The following MIER2 variants were observed in gnomAD, a reference collection of about 807,000 sequenced individuals.
MIER2 encodes the protein MIER family member 2, also known as mesoderm induction early response protein 2.
A neutral mutation model predicts 67.6 loss-of-function variants in MIER2; 30 were observed. That is an observed-to-expected ratio of 0.44 (90% confidence interval 0.33 to 0.60). MIER2 has a LOEUF of 0.60. Ranked by LOEUF, MIER2 falls within the 20% of genes least tolerant of loss-of-function variation. MIER2 has a pLI of 0.02. For missense variants in MIER2, 702 were observed against 745.1 expected (o/e 0.94, Z 0.67); for synonymous variants, 372 against 312.6 (o/e 1.19, Z -2.00).
chr19:336,396 G>C (rs531971799), intron 1 of MIER2, among the ~76,000 whole-genome samples: 2 of 152,252 alleles, frequency 1.3e-5, no homozygotes, highest in Non-Finnish European at 2.9e-5. Flanking sequence ...GGGTGGAGGC[G>C]TTCTCGCCCA....
intron 3 of MIER2, among the ~76,000 whole-genome samples, chr19:331,148 T>A (rs1210165776): frequency 2.0e-5 from 3 of 151,738 alleles, no homozygotes; most frequent in Non-Finnish European, 4.4e-5. Flanking sequence ...CAACTTGAGG[T>A]CAGGAGTTCG....
chr19:324,981 G>A (rs1971675767), intron 7 of MIER2, among the ~76,000 whole-genome samples: 1 of 152,222 alleles, frequency 6.6e-6, no homozygotes, highest in African/African-American at 2.4e-5. Context: ...GAGGGTCCCT[G>A]TCTCCCTGGA....
chr19:327,920 G>C lies in MIER2; in HGVS notation c.313C>G (p.Arg105Gly). The C allele has an allele frequency of 1.9e-6, 3 of 1,613,030 alleles. No homozygotes were observed. The highest frequency in any genetic ancestry group is 2.5e-6 in the Non-Finnish European group (3 of 1,179,530). Reference sequence around the variant, plus strand: ...GCCACGTCACCACCCTCACTCTCCCGGTCTGAAATGGGGTCTGACGCCTCG... The same window carrying C: ...GCCACGTCACCACCCTCACTCTCCCCGTCTGAAATGGGGTCTGACGCCTCG... ...GYEASDPISD[R>G]ESEGGDVAPN... The change falls in exon 4 of 14, where the codon CGG (arginine) becomes GGG (glycine). Residue 105 changes from arginine (R) to glycine (G), a missense_variant. This residue lies in a region of MIER2 where 320 missense variants were observed against 292.6 expected (regional missense o/e 1.09). Coordinates refer to ENST00000264819, the MANE Select transcript of MIER2 (RefSeq NM_017550.3).
chr19:328,079 A>G, intron 3 of MIER2, 90 bp from the exon 4 acceptor site: 2 of 1,550,056 alleles, frequency 1.3e-6, no homozygotes, highest in South Asian at 2.4e-5. Flanking sequence ...CACTGGCCAC[A>G]ACCAGGGCCA....
chr19:314,977 G>A (rs115573123), intron 7 of MIER2, among the ~76,000 whole-genome samples: 145 of 152,022 alleles, frequency 9.5e-4, no homozygotes, highest in Non-Finnish European at 1.6e-3. Flanking sequence ...GGCTAAGGTG[G>A]GACTGAGCCC....
intron 1 of MIER2, among the ~76,000 whole-genome samples, chr19:340,257 A>G (rs1972442307): frequency 6.6e-6 from 1 of 152,198 alleles, no homozygotes; most frequent in Non-Finnish European, 1.5e-5. Context: ...TGGGGAACAC[A>G]ACGGCTAGTA....
intron 5 of MIER2, 30 bp downstream of exon 5, chr19:327,103 G>C: frequency 6.4e-7 from 1 of 1,561,860 alleles, no homozygotes; most frequent in Non-Finnish European, 8.6e-7. Context: ...GGGCCTGGCT[G>C]CGGTGGAGTA....
chr19:321,935 C>T (rs998416326), intron 7 of MIER2, among the ~76,000 whole-genome samples: 2 of 151,872 alleles, frequency 1.3e-5, no homozygotes, highest in Non-Finnish European at 2.9e-5. Context: ...GACAGAGTCT[C>T]GCTCTGTCAC....
At chr19:343,794 CCGCACCT>C (rs1972612531) in intron 1 of MIER2, 1 of 975,192 alleles carries the variant, frequency 1.0e-6, no homozygotes, top group Admixed American at 6.2e-5. Context: ...CTCGCAGCCG[CCGCACCT>C]TCACCTACAT....
chr19:307,431 T>C lies in MIER2; in HGVS notation c.1304A>G (p.Asp435Gly). ...GGACAGGGGTACAGCGGGGGACTCATCCAGCTGCTGGAAGGAACACGGCCC... is the reference window on the plus strand; with the variant it reads ...GGACAGGGGTACAGCGGGGGACTCACCCAGCTGCTGGAAGGAACACGGCCC... ...EPGPCSFQQL[D>G]ESPAVPLSHR... is the part of the protein sequence containing the mutation. The change falls in exon 13 of 14, where the codon GAT becomes GGT. Residue 435 changes from aspartate to glycine, a missense_variant. By Grantham distance (94) the Asp-to-Gly change is moderately conservative. Around this residue, in one of 3 missense-constraint regions of MIER2, gnomAD observed 254 missense variants for 262.8 expected, o/e 0.97. Coordinates refer to ENST00000264819, the MANE Select transcript of MIER2 (RefSeq NM_017550.3). The C allele has an allele frequency of 6.3e-7, 1 of 1,595,134 alleles. No homozygotes were observed. Among genetic ancestry groups the C allele is most frequent in the Non-Finnish European group, 8.5e-7 (1 of 1,171,118 alleles).
chr19:311,719 G>A, intron 10 of MIER2, 126 bp downstream of exon 10: 1 of 830,568 alleles, frequency 1.2e-6, no homozygotes, highest in Non-Finnish European at 1.9e-6. Context: ...TGGGCACACG[G>A]TGAGGAGGCG....
In MIER2 at chr19:306,382, C is replaced by T. The variant is rs1004551196; in HGVS notation, c.*308G>A. 1.0e-4 allele frequency: 54 copies of T among 530,258 alleles called. 2 individuals carry two copies. Among genetic ancestry groups the T allele is most frequent in the South Asian group, 9.3e-4 (39 of 42,016 alleles). The allele number at this position is 530,258 out of a possible 1,614,324, so 32.8% of individuals were successfully genotyped here. Reference sequence around the variant, plus strand: ...GGACTAGGTGGCCGGCTCTGCCCTGCGTCCCAACGGCGGGGTCTCTTCTGT... The same window carrying T: ...GGACTAGGTGGCCGGCTCTGCCCTGTGTCCCAACGGCGGGGTCTCTTCTGT... On this transcript the variant is annotated 3_prime_UTR_variant, in exon 14 of 14. Transcript: ENST00000264819.
chr19:326,593 A>T lies in MIER2; in HGVS notation c.499T>A (p.Phe167Ile). Residue 167 changes from phenylalanine (F) to isoleucine (I), a missense_variant, in exon 6 of 14, where the codon TTC becomes ATC. By Grantham distance (21) the Phe-to-Ile change is conservative. Around this residue, in one of 3 missense-constraint regions of MIER2, gnomAD observed 320 missense variants for 292.6 expected, o/e 1.09. Transcript: ENST00000264819. Reference sequence around the variant, plus strand: ...GGCTCTCTGTCTTCATCAGCCAGGAAACGAGCTTTGGGAAAACAGAGGCAG... The same window carrying T: ...GGCTCTCTGTCTTCATCAGCCAGGATACGAGCTTTGGGAAAACAGAGGCAG... ...DLFPNRSGSRFLADEDREPGS... is the reference protein window; with the variant it reads ...DLFPNRSGSRILADEDREPGS... 1 of 1,614,014 alleles carries T rather than the reference A, an allele frequency of 6.2e-7. No homozygotes were observed.
chr19:313,326 T>A lies in MIER2; in HGVS notation c.807+166A>T, dbSNP rs139612107. 3.9e-5 allele frequency among the ~76,000 whole-genome samples: 6 copies of A among 152,250 alleles called. No individual in the cohort carries two copies. The East Asian group carries it at 1.2e-3, about 29-fold the overall frequency. On this transcript the variant is annotated intron_variant, in intron 8 of 13. Transcript: ENST00000264819. ...CTCCTCCCTGATACGTGGTTTTAAT[T>A]GGCCCCCCTTCTGACCTGAGTAGCT...
intron 7 of MIER2, among the ~76,000 whole-genome samples, chr19:317,499 C>T (rs1449448776): frequency 6.7e-6 from 1 of 149,864 alleles, no homozygotes; most frequent in Non-Finnish European, 1.5e-5. Context: ...TGCACTCCAA[C>T]CTGGGTGACA....
intron 7 of MIER2, among the ~76,000 whole-genome samples, chr19:324,024 G>A (rs111966640): frequency 0.097 from 10,604 of 109,750 alleles, 909 homozygotes; most frequent in African/African-American, 0.19. Context: ...CCACGCAGAC[G>A]ACTCGAAGGA....
rs369092205 is a variant in MIER2 at position 335,606 on chromosome 19, G to A, written c.100+477C>T. ...GTCATAGAGACCCTTGCCCTACAGC[G>A]TCAGCTCCTCCCCGCAGGCCCAACG... On this transcript the variant is annotated intron_variant, in intron 2 of 13. Coordinates refer to ENST00000264819, the MANE Select transcript of MIER2 (RefSeq NM_017550.3). Among the ~76,000 whole-genome samples, 50 of 152,276 alleles carry A rather than the reference G, an allele frequency of 3.3e-4. 1 individual carries two copies. Among genetic ancestry groups the A allele is most frequent in the African/African-American group, 1.2e-3 (48 of 41,568 alleles).
rs1235035799 is a variant in MIER2 at position 334,435 on chromosome 19, G to A, written c.208C>T (p.Pro70Ser). 5 of 1,614,196 alleles carry A rather than the reference G, an allele frequency of 3.1e-6. No homozygotes were observed. Among genetic ancestry groups the A allele is most frequent in the Non-Finnish European group, 4.2e-6 (5 of 1,180,042 alleles). ...CEEASRCPDK[P>S]KEELEKDFIS... The stretch of plus-strand genomic sequence containing the variant: ...AAGTCCTTCTCCAGCTCCTCCTTGG[G>A]CTTGTCTGGGCACCTCGAGGCCTCC... The change falls in exon 3 of 14, where the codon CCC becomes TCC. Residue 70 changes from proline to serine, a missense_variant. Pro to Ser is a moderately conservative substitution (Grantham distance 74, BLOSUM62 -1). Coordinates refer to ENST00000264819, the MANE Select transcript of MIER2 (RefSeq NM_017550.3).
intron 3 of MIER2, among the ~76,000 whole-genome samples, chr19:329,182 A>G (rs1242148924): frequency 2.0e-5 from 3 of 151,918 alleles, no homozygotes; most frequent in Admixed American, 6.6e-5. Flanking sequence ...CCCAGACTCA[A>G]CCTGGGGGCT....
Sources: gnomAD v4.1 joint callset for allele counts (sites outside exome capture counted in the v4.1 genomes callset) on GRCh38, gnomAD v4.1.1 for gene constraint, gnomAD v4.1.1 regional missense constraint, MANE v1.5 for transcripts, NCBI Gene and HGNC (gene_info 2026-07-23, HGNC 2026-07-21) for gene names.